EML6: variants seen among roughly 807,000 people sequenced by gnomAD.
The protein encoded by EML6 is echinoderm microtubule-associated protein-like 6.
A neutral mutation model predicts 240.1 loss-of-function variants in EML6; 154 were observed. That is an observed-to-expected ratio of 0.64 (90% CI 0.56 to 0.73). The LOEUF (loss-of-function observed/expected upper bound fraction) is 0.73, where lower values mean the gene tolerates loss of function less well. Among genes scored for constraint, EML6 ranks in the 30% least tolerant of loss-of-function variants. The pLI is 0.00. For synonymous variants in EML6, 1,148 were observed against 899.0 expected, an observed-to-expected ratio of 1.28 and a Z score of -4.95; for missense variants, 2,964 against 2,474.6, an observed-to-expected ratio of 1.20 and a Z score of -4.20.
At chr2:54,923,196 C>G (rs1674352191) in intron 26 of EML6, among the ~76,000 whole-genome samples, 1 of 152,028 alleles carries the variant, frequency 6.6e-6, no homozygotes, top group Admixed American at 6.6e-5. Flanking sequence ...CCACCTCAGC[C>G]TCCCAAAGTG....
In EML6 at chr2:54,844,092, C is replaced by T; in HGVS notation, c.893C>T (p.Ala298Val). Residue 298 changes from alanine (A) to valine (V), a missense_variant, in exon 8 of 42, where the codon GCA becomes GTA. By Grantham distance (64) the Ala-to-Val change is moderately conservative. Coordinates refer to ENST00000356458, the MANE Select transcript of EML6 (RefSeq NM_001039753.4). Reference sequence around the variant, plus strand: ...TGCTGGAAAGCAGACCGCCTTCTAGCAGGGACCCAGGACAGTGAGATATTT... The same window carrying T: ...TGCTGGAAAGCAGACCGCCTTCTAGTAGGGACCCAGGACAGTGAGATATTT... ...SVCWKADRLLAGTQDSEIFEV... is the reference protein window; with the variant it reads ...SVCWKADRLLVGTQDSEIFEV... The T allele has an allele frequency of 1.3e-6, 2 of 1,551,382 alleles. No individual in the cohort carries two copies. The highest frequency in any genetic ancestry group is 1.7e-6 in the Non-Finnish European group (2 of 1,146,894).
chr2:54,851,314 A>G (rs1027441741), intron 10 of EML6, among the ~76,000 whole-genome samples: 6 of 152,112 alleles, frequency 3.9e-5, no homozygotes, highest in African/African-American at 1.2e-4. Flanking sequence ...TTGGGAGGCT[A>G]AGGCGGCAGA....
chr2:54,909,174 A>G (rs1426662512), intron 24 of EML6, among the ~76,000 whole-genome samples: 1 of 152,222 alleles, frequency 6.6e-6, no homozygotes, highest in Admixed American at 6.5e-5. Context: ...AGCCATATTC[A>G]AAGAATGTGT....
At position 54,960,413 on chromosome 2, in the gene EML6, G is replaced by A. The variant is rs908790489; in HGVS notation, c.4968+79G>A. 1.7e-5 allele frequency: 18 copies of A among 1,066,814 alleles called. No homozygotes were observed. In the Admixed American group the frequency reaches 3.0e-4, roughly 18 times the overall value. 66.1% of individuals were successfully genotyped at this position (1,066,814 alleles called of 1,614,324 possible). A position where few individuals can be genotyped will look rare whatever the true frequency, so the allele number is the denominator to read the frequency against. On this transcript the variant is annotated intron_variant, in intron 35 of 41. Transcript: ENST00000356458. ...TACCCTCCCAGCCGGCACTTTCTCT[G>A]GGCTGGTTTGTTTACTCCTTGAAAC...
intron 13 of EML6, among the ~76,000 whole-genome samples, chr2:54,865,363 G>A (rs947096325): frequency 6.7e-6 from 1 of 149,952 alleles, no homozygotes; most frequent in Non-Finnish European, 1.5e-5. Context: ...TGTAGTCCCA[G>A]CTACTCAGGA....
chr2:54,927,191 T>A (rs1674595725), intron 26 of EML6, among the ~76,000 whole-genome samples: 1 of 152,222 alleles, frequency 6.6e-6, no homozygotes, highest in South Asian at 2.1e-4. Flanking sequence ...GGAATCTTTC[T>A]AGGCTCAGTA....
At chr2:54,926,731 G>A (rs879336284) in intron 26 of EML6, among the ~76,000 whole-genome samples, 1 of 152,158 alleles carries the variant, frequency 6.6e-6, no homozygotes, top group Admixed American at 6.5e-5. Context: ...ACTGCTGCAG[G>A]AATCTCTGCC....
chr2:54,911,887 C>T (rs371936377), intron 25 of EML6, among the ~76,000 whole-genome samples: 17 of 152,072 alleles, frequency 1.1e-4, no homozygotes, highest in African/African-American at 3.9e-4. Flanking sequence ...TTTTTGAATC[C>T]CTAAACTAAC....
chr2:54,902,339 G>GGGTTT (rs1225576847), intron 22 of EML6, among the ~76,000 whole-genome samples: 1 of 152,174 alleles, frequency 6.6e-6, no homozygotes, highest in Non-Finnish European at 1.5e-5. Flanking sequence ...TAAACCTCAT[G>GGGTTT]GAAGTTGAAA....
chr2:54,918,100 A>G lies in EML6; in HGVS notation c.3675+1165A>G, dbSNP rs772768419. ...CCTGTACTTACACAATTGATTTTCT[A>G]AGATCTGAGTACAGAACTTTACATT... On this transcript the variant is annotated intron_variant, in intron 26 of 41. Transcript: ENST00000356458. 3.3e-5 allele frequency among the ~76,000 whole-genome samples: 5 copies of G among 152,214 alleles called. 1 individual carries two copies. Among genetic ancestry groups the G allele is most frequent in the Non-Finnish European group, 5.9e-5 (4 of 68,038 alleles).
At chr2:54,920,793 T>TA (rs1240621831) in intron 26 of EML6, among the ~76,000 whole-genome samples, 1 of 152,022 alleles carries the variant, frequency 6.6e-6, no homozygotes, top group South Asian at 2.1e-4. Context: ...AACAGCACAT[T>TA]AAAAAGATCA....
intron 33 of EML6, 118 bp downstream of exon 33, chr2:54,958,116 C>T (rs1211756558): frequency 5.9e-6 from 5 of 843,840 alleles, no homozygotes; most frequent in Non-Finnish European, 7.3e-6. Context: ...GCCATTTCCA[C>T]ATTCGCTCCT....
chr2:54,957,878 CG>C lies in EML6; in HGVS notation c.4579del (p.Val1527SerfsTer4). 1 of 1,551,406 alleles carries C rather than the reference CG, an allele frequency of 6.4e-7. No homozygotes were observed. The highest frequency in any genetic ancestry group is 1.7e-4 in the Middle Eastern group (1 of 5,776). ...PDSDTQFVSV[G>X]VKHMKFWTLA... ...ACTCAGACACGCAGTTTGTATCTGT[CG>C]GGGTCAAACATATGAAGTTCTGGAC... is the stretch of plus-strand genomic sequence containing the variant. On this transcript the variant is annotated frameshift_variant, in exon 33 of 42. Coordinates refer to ENST00000356458, the MANE Select transcript of EML6 (RefSeq NM_001039753.4). LOFTEE classifies it high-confidence loss of function.
chr2:54,869,144 G>T lies in EML6; in HGVS notation c.2052-37G>T, dbSNP rs749890649. ...CTCCTGCTCCATGCATTTGCTGTTT[G>T]TTCAACCACTATGCATTTCTTGGAC... is the stretch of plus-strand genomic sequence containing the variant. On this transcript the variant is annotated intron_variant, in intron 14 of 41. Transcript: ENST00000356458. 5 of 1,442,472 alleles carry T rather than the reference G, an allele frequency of 3.5e-6. No individual in the cohort carries two copies. The East Asian group carries it at 1.2e-4, about 36-fold the overall frequency. 89.4% of individuals were successfully genotyped at this position (1,442,472 alleles called of 1,614,324 possible).
chr2:54,940,466 A>G (rs1675372105), intron 28 of EML6, among the ~76,000 whole-genome samples: 1 of 152,136 alleles, frequency 6.6e-6, no homozygotes, highest in Non-Finnish European at 1.5e-5. Context: ...ATAAAATTTC[A>G]CTGGATTATA....
intron 38 of EML6, among the ~76,000 whole-genome samples, chr2:54,965,298 T>C (rs1243349662): frequency 6.6e-6 from 1 of 152,230 alleles, no homozygotes; most frequent in African/African-American, 2.4e-5. Flanking sequence ...TGGAGCTGGA[T>C]ATTCACTGTA....
chr2:54,900,540 A>G (rs957797766), intron 22 of EML6, among the ~76,000 whole-genome samples: 1 of 152,184 alleles, frequency 6.6e-6, no homozygotes, highest in African/African-American at 2.4e-5. Context: ...AATTGCTGCA[A>G]CCTTGAATAT....
At chr2:54,786,153 T>C (rs1408804156) in intron 2 of EML6, among the ~76,000 whole-genome samples, 5 of 152,010 alleles carry the variant, frequency 3.3e-5, no homozygotes, top group Non-Finnish European at 7.4e-5. Flanking sequence ...ACCGGGGCAG[T>C]AGAGGAGGAG....
At chr2:54,758,437 A>G (rs939347086) in intron 2 of EML6, among the ~76,000 whole-genome samples, 1 of 152,024 alleles carries the variant, frequency 6.6e-6, no homozygotes, top group Non-Finnish European at 1.5e-5. Flanking sequence ...GGACCTCTAT[A>G]CGTGTGGTTT....
Sources: allele counts gnomAD v4.1 joint callset (sites outside exome capture counted in the v4.1 genomes callset), GRCh38; gene constraint gnomAD v4.1.1; transcripts MANE v1.5; gene names NCBI Gene and HGNC (gene_info 2026-07-23, HGNC 2026-07-21).